Variants in AMPD3 observed in about 807,000 individuals in gnomAD.
AMPD3 encodes adenosine monophosphate deaminase 3.
In AMPD3, 57 loss-of-function variants were observed where a neutral mutation model predicts 82.3. The observed-to-expected ratio is 0.69, with a 90% confidence interval of 0.56 to 0.86. The LOEUF is 0.86. Ranked by LOEUF, AMPD3 falls within the 40% of genes least tolerant of loss-of-function variation. The pLI is 0.00. For synonymous variants in AMPD3, 381 were observed against 394.7 expected, an observed-to-expected ratio of 0.97 and a Z score of 0.41; for missense variants, 870 against 1,003.8, an observed-to-expected ratio of 0.87 and a Z score of 1.80.
In AMPD3 at chr11:10,495,639, A is replaced by C. The variant is rs775506721; in HGVS notation, c.1336A>C (p.Ser446Arg). The C allele has an allele frequency of 2.5e-5, 41 of 1,613,928 alleles. No individual in the cohort carries two copies. Among genetic ancestry groups the C allele is most frequent in the Non-Finnish European group, 4.2e-6 (5 of 1,180,028 alleles). The change falls in exon 9 of 15, where the codon AGT (serine) becomes CGT (arginine). Residue 446 changes from serine (S) to arginine (R), a missense_variant. Physicochemically the swap from Ser to Arg is moderately radical, Grantham distance 110. Coordinates refer to ENST00000396553, the MANE Select transcript of AMPD3 (RefSeq NM_001025389.2). Reference sequence around the variant, plus strand: ...GCCACGGCTCTCCATCTACGGCCGCAGTCCTGAGGAGTGGCCCAACCTGGC... The same window carrying C: ...GCCACGGCTCTCCATCTACGGCCGCCGTCCTGAGGAGTGGCCCAACCTGGC... Reference protein sequence around the residue: ...SEPRLSIYGRSPEEWPNLAYW... With the variant: ...SEPRLSIYGRRPEEWPNLAYW...
At chr11:10,500,438 C>T (rs1849544911) in intron 11 of AMPD3, 189 bp downstream of exon 11, 1 of 538,356 alleles carries the variant, frequency 1.9e-6, no homozygotes, top group African/African-American at 2.1e-5. Context: ...CATGTCTCCA[C>T]ATGATCACAC....
Position 10,456,346 on chromosome 11 carries a change from C to T in AMPD3, c.-6+898C>T, listed in dbSNP as rs747769812. 6.8e-6 allele frequency: 11 copies of T among 1,613,468 alleles called. No individual in the cohort carries two copies. In the South Asian group the frequency reaches 9.9e-5, roughly 15 times the overall value. ...GCCTCCTGGGTGGCAGGCAGCACCT[C>T]ACCCGGGTGCATCACTTGAGTGGCA... is the stretch of plus-strand genomic sequence containing the variant. On this transcript the variant is annotated intron_variant, in intron 1 of 14. Coordinates refer to ENST00000396553, the MANE Select transcript of AMPD3 (RefSeq NM_001025389.2). The surrounding 1 kb of genome is among the most constrained non-coding windows in gnomAD (Gnocchi z 4.3).
intron 2 of AMPD3, among the ~76,000 whole-genome samples, chr11:10,465,000 A>T (rs1848379159): frequency 6.6e-6 from 1 of 152,238 alleles, no homozygotes; most frequent in African/African-American, 2.4e-5. Context: ...CAGCCCTGTC[A>T]CTTACTACTG....
intron 2 of AMPD3, among the ~76,000 whole-genome samples, chr11:10,468,654 T>C (rs1848492864): frequency 6.6e-6 from 1 of 152,204 alleles, no homozygotes; most frequent in Non-Finnish European, 1.5e-5. Context: ...AACTCAGCTC[T>C]GGAACAAGCT....
intron 14 of AMPD3, chr11:10,505,188 C>A: frequency 1.0e-6 from 1 of 985,312 alleles, no homozygotes; most frequent in Non-Finnish European, 1.2e-6. Context: ...GCACTGAGAC[C>A]CATGTTCTGA....
At chr11:10,477,826 A>G (rs1848784910) in intron 2 of AMPD3, 1 of 964,110 alleles carries the variant, frequency 1.0e-6, no homozygotes, top group Non-Finnish European at 1.2e-6. Context: ...CATCTCTGGG[A>G]AAGTGTCTGT....
chr11:10,504,188 GA>G (rs1849655060), intron 13 of AMPD3: 1 of 983,350 alleles, frequency 1.0e-6, no homozygotes, highest in African/African-American at 1.8e-5. Context: ...GCAAACTTAA[GA>G]AAATAGTGTG....
At position 10,484,965 on chromosome 11, in the gene AMPD3, C is replaced by T. The variant is rs368122845; in HGVS notation, c.735C>T (p.Ser245=). 8 of 1,603,878 alleles carry T rather than the reference C, an allele frequency of 5.0e-6. No individual in the cohort carries two copies. Among genetic ancestry groups the T allele is most frequent in the South Asian group, 1.1e-5 (1 of 90,302 alleles). ...TGCTGGAGCACCAGGAGCCGCACAG[C>T]CTACCCTACCCCGACCTGGAGACCT... The part of the protein sequence containing the change: ...KKMLEHQEPH[S]LPYPDLETYT... Residue 245 remains serine (S), a synonymous_variant, in exon 5 of 15, where the codon AGC becomes AGT. Coordinates refer to ENST00000396553, the MANE Select transcript of AMPD3 (RefSeq NM_001025389.2).
At chr11:10,500,586 A>C in intron 11 of AMPD3, 4 of 985,194 alleles carry the variant, frequency 4.1e-6, no homozygotes, top group Non-Finnish European at 4.8e-6. Context: ...GTACCTGTAC[A>C]TCCCTGAGAT....
chr11:10,460,592 A>G (rs1564838448), intron 1 of AMPD3, among the ~76,000 whole-genome samples: 1 of 151,488 alleles, frequency 6.6e-6, no homozygotes, highest in South Asian at 2.1e-4. Context: ...TATTTTTAGT[A>G]GAGACGTGGT....
rs1402444895 is a variant in AMPD3, at chr11:10,456,979, T to A, written c.-6+1531T>A. On this transcript the variant is annotated intron_variant, in intron 1 of 14. Transcript: ENST00000396553. The surrounding 1 kb of genome is among the most constrained non-coding windows in gnomAD (Gnocchi z 4.3). ...GTTGTGGTTGCTGTTGTTTCTTGCTTTTTTTTTTTTTTTTTTGAGAGAAGG... is the reference window on the plus strand; with the variant it reads ...GTTGTGGTTGCTGTTGTTTCTTGCTATTTTTTTTTTTTTTTTGAGAGAAGG... 6.2e-4 allele frequency among the ~76,000 whole-genome samples: 89 copies of A among 144,024 alleles called. No homozygotes were observed. Among genetic ancestry groups the A allele is most frequent in the Admixed American group, 3.6e-3 (52 of 14,598 alleles). 94.5% of individuals were successfully genotyped at this position (144,024 alleles called of 152,430 possible).
intron 10 of AMPD3, chr11:10,497,791 A>G: frequency 3.0e-6 from 3 of 985,374 alleles, no homozygotes; most frequent in Non-Finnish European, 3.6e-6. Flanking sequence ...CCCAGCGGAA[A>G]TAGCTCACAC....
chr11:10,456,718 T>C lies in AMPD3; in HGVS notation c.-6+1270T>C. The C allele has an allele frequency of 1.7e-6, 1 of 604,154 alleles. No individual in the cohort carries two copies. Among genetic ancestry groups the C allele is most frequent in the Non-Finnish European group, 2.1e-6 (1 of 481,782 alleles). The allele number at this position is 604,154 out of a possible 1,614,324, so 37.4% of individuals were successfully genotyped here. A position where few individuals can be genotyped will look rare whatever the true frequency, so the allele number is the denominator to read the frequency against. ...AAGGGTTGGAAGCCAGGCGTGAACATGCAGCTGGAGCTGAAGCTCTGCTTG... is the reference window on the plus strand; with the variant it reads ...AAGGGTTGGAAGCCAGGCGTGAACACGCAGCTGGAGCTGAAGCTCTGCTTG... On this transcript the variant is annotated intron_variant, in intron 1 of 14. Transcript: ENST00000396553. This position sits in a 1 kb window ranked among gnomAD's most constrained non-coding sequence, Gnocchi z 4.3.
chr11:10,481,967 T>C, intron 3 of AMPD3, 96 bp from the exon 4 acceptor site: 2 of 1,511,686 alleles, frequency 1.3e-6, no homozygotes, highest in Non-Finnish European at 1.8e-6. Flanking sequence ...GGTTCCCAGA[T>C]ACCAGGCAAG....
upstream of AMPD3, among the ~76,000 whole-genome samples, chr11:10,452,734 G>T (rs1847991642): frequency 6.6e-6 from 1 of 152,178 alleles, no homozygotes; most frequent in African/African-American, 2.4e-5. Context: ...GATGTTGGCA[G>T]ATAATGCTTA....
chr11:10,504,498 T>C (rs1277488054), intron 13 of AMPD3, 51 bp from the exon 14 acceptor site: 1 of 1,555,388 alleles, frequency 6.4e-7, no homozygotes, highest in Non-Finnish European at 8.9e-7. Flanking sequence ...GTGTGAACGA[T>C]TGACATGGAT....
chr11:10,501,594 A>G lies in AMPD3; in HGVS notation c.1842+4A>G. 2 of 1,614,058 alleles carry G rather than the reference A, an allele frequency of 1.2e-6. No individual in the cohort carries two copies. Among genetic ancestry groups the G allele is most frequent in the African/African-American group, 1.3e-5 (1 of 75,004 alleles). ...CCACGGGCTGCTCCTCAAGAAGGTA[A>G]CCAGGTCACTCTCGGGAGCCCGTCC... On this transcript the variant is annotated splice_donor_region_variant and intron_variant, in intron 12 of 14. Transcript: ENST00000396553.
chr11:10,504,685 T>TGTCCCTCCTGGGAAGGCTGCCTGC (rs1215994786), intron 14 of AMPD3, 26 bp downstream of exon 14: 2 of 1,602,374 alleles, frequency 1.2e-6, no homozygotes, highest in South Asian at 2.2e-5. Context: ...GTGCTGCCTG[T>TGTCCCTCCTGGGAAGGCTGCCTGC]GTCCCTCCTG....
chr11:10,500,976 A>G, intron 11 of AMPD3: 1 of 985,362 alleles, frequency 1.0e-6, no homozygotes. Flanking sequence ...GTCCTGATTG[A>G]AAGAAATGGC....
Sources: gnomAD v4.1 joint callset for allele counts (sites outside exome capture counted in the v4.1 genomes callset) on GRCh38, gnomAD v4.1.1 for gene constraint, Gnocchi (gnomAD v3.1) non-coding constraint, MANE v1.5 for transcripts, NCBI Gene and HGNC (gene_info 2026-07-23, HGNC 2026-07-21) for gene names.